Variants in SERPINB11 observed in about 807,000 individuals in gnomAD.
SERPINB11 encodes serpin family B member 11, also known as serpin B11.
In SERPINB11, 32 loss-of-function variants were observed where a neutral mutation model predicts 36.7. The observed-to-expected ratio is 0.87, with a 90% CI of 0.66 to 1.17. The LOEUF is 1.17. Ranked by LOEUF, SERPINB11 falls within the 50% of genes most tolerant of loss-of-function variation. The pLI, the probability that SERPINB11 is intolerant of heterozygous loss-of-function variation, is 0.00. For synonymous variants in SERPINB11, 174 were observed against 168.1 expected, an observed-to-expected ratio of 1.04 and a Z score of -0.27; for missense variants, 528 against 458.4, an observed-to-expected ratio of 1.15 and a Z score of -1.39.
Position 63,720,151 on chromosome 18 carries a change from G to T in SERPINB11, c.614G>T (p.Ser205Ile). ...RETVKSPFQL[S>I]EGKNVTVEMM... is the part of the protein sequence containing the mutation. ...ACAGTTAAAAGTCCTTTTCAGCTAA[G>T]TGAGGTAAGTATTTTATTTTCAGAC... Residue 205 changes from serine to isoleucine, a missense_variant, in exon 6 of 8, where the codon AGT (serine) becomes ATT (isoleucine). Physicochemically the swap from Ser to Ile is moderately radical, Grantham distance 142. Coordinates refer to ENST00000544088, the MANE Select transcript of SERPINB11 (RefSeq NM_001370475.1). The T allele has an allele frequency of 6.2e-7, 1 of 1,603,332 alleles. No individual in the cohort carries two copies. Among genetic ancestry groups the T allele is most frequent in the Non-Finnish European group, 8.5e-7 (1 of 1,172,722 alleles).
At chr18:63,709,184 C>G (rs905192686) in intron 1 of SERPINB11, among the ~76,000 whole-genome samples, 13 of 152,312 alleles carry the variant, frequency 8.5e-5, no homozygotes, top group East Asian at 3.9e-4. Flanking sequence ...TTTTCCATTT[C>G]TATTTTCATA....
chr18:63,721,136 G>A (rs1047593062), intron 7 of SERPINB11, 150 bp downstream of exon 7: 3 of 745,382 alleles, frequency 4.0e-6, no homozygotes, highest in African/African-American at 3.6e-5. Flanking sequence ...TGTGAAAGTA[G>A]CAGGGAGACA....
rs746171220 is a variant in SERPINB11 at position 63,720,883 on chromosome 18, C to A, written c.671C>A (p.Ala224Asp). 6.3e-7 allele frequency: 1 copy of A among 1,583,886 alleles called. No individual in the cohort carries two copies. ...TATCAAATTGGAACATTTAAACTGG[C>A]CTTTGTAAAGGAGCCGCAGATGCAA... is the stretch of plus-strand genomic sequence containing the variant. ...MMYQIGTFKL[A>D]FVKEPQMQVL... The change falls in exon 7 of 8, where the codon GCC (alanine) becomes GAC (aspartate). Residue 224 changes from alanine (A) to aspartate (D), a missense_variant. Physicochemically the swap from Ala to Asp is moderately radical, Grantham distance 126. Transcript: ENST00000544088.
intron 4 of SERPINB11, among the ~76,000 whole-genome samples, chr18:63,714,533 C>A (rs1361060311): frequency 3.3e-5 from 5 of 152,224 alleles, no homozygotes; most frequent in South Asian, 2.1e-4. Flanking sequence ...CAGGCATTCC[C>A]AGAGCAGCCA....
chr18:63,723,270 TG>T lies in SERPINB11; in HGVS notation c.1054del (p.Asp352ThrfsTer5). ...AGGGCACGGAGGCAGCAGCAGCCAC[TG>T]GGGACAGCATCGCTGTAAAAAGCCT... ...EEGTEAAAAT[G>X]DSIAVKSLPM... On this transcript the variant is annotated frameshift_variant, in exon 8 of 8. Coordinates refer to ENST00000544088, the MANE Select transcript of SERPINB11 (RefSeq NM_001370475.1). LOFTEE classifies it high-confidence loss of function. The T allele has an allele frequency of 6.2e-7, 1 of 1,613,960 alleles. No individual in the cohort carries two copies. The highest frequency in any genetic ancestry group is 8.5e-7 in the Non-Finnish European group (1 of 1,179,872).
intron 4 of SERPINB11, among the ~76,000 whole-genome samples, chr18:63,714,036 T>G (rs1914598444): frequency 6.6e-6 from 1 of 152,158 alleles, no homozygotes. Context: ...TCATAGTATA[T>G]TGGGGGAACC....
Position 63,711,397 on chromosome 18 carries a change from A to G in SERPINB11, c.228+3A>G. The G allele has an allele frequency of 6.3e-7, 1 of 1,587,894 alleles. No homozygotes were observed. The highest frequency in any genetic ancestry group is 1.1e-5 in the South Asian group (1 of 90,414). ...CAGGGTTCAAGGACTCACCTAAGGT[A>G]TGATAATATTACTGAGTTGTCAAAT... On this transcript the variant is annotated splice_donor_region_variant and intron_variant, in intron 3 of 7. Coordinates refer to ENST00000544088, the MANE Select transcript of SERPINB11 (RefSeq NM_001370475.1).
At chr18:63,709,202 T>C (rs182249681) in intron 1 of SERPINB11, among the ~76,000 whole-genome samples, 100 of 152,360 alleles carry the variant, frequency 6.6e-4, no homozygotes, top group Non-Finnish European at 8.8e-4. Context: ...ATAAACATGA[T>C]GGCTGTGGCC....
At position 63,723,058 on chromosome 18, in the gene SERPINB11, A is replaced by G; in HGVS notation, c.838A>G (p.Arg280Gly). The G allele has an allele frequency of 1.2e-6, 2 of 1,604,466 alleles. No homozygotes were observed. Among genetic ancestry groups the G allele is most frequent in the Non-Finnish European group, 8.5e-7 (1 of 1,175,346 alleles). Residue 280 changes from arginine to glycine, a missense_variant, in exon 8 of 8, where the codon AGA (arginine) becomes GGA (glycine). Transcript: ENST00000544088. ...GACAAGCTCTTCTAACATGATGGAA[A>G]GAGAAGTTGAAGTACACCTCCCCCG... ...EWTSSSNMME[R>G]EVEVHLPRFK...
Position 63,723,437 on chromosome 18 carries a change from G to A in SERPINB11, c.*38G>A, listed in dbSNP as rs762575391. 5 of 1,542,546 alleles carry A rather than the reference G, an allele frequency of 3.2e-6. No homozygotes were observed. In the East Asian group the frequency reaches 1.1e-4, roughly 35 times the overall value. On this transcript the variant is annotated 3_prime_UTR_variant, in exon 8 of 8. Transcript: ENST00000544088. ...GAGCAAGGCTCAGAGTTGCAGATGA[G>A]GTGCAGAGACAATCCTGTGACTTTC...
At chr18:63,717,253 C>G (rs1914692778) in intron 5 of SERPINB11, among the ~76,000 whole-genome samples, 1 of 151,902 alleles carries the variant, frequency 6.6e-6, no homozygotes, top group Admixed American at 6.6e-5. Flanking sequence ...CAGAATATTC[C>G]AAATATACTT....
chr18:63,721,113 A>C lies in SERPINB11; in HGVS notation c.774+127A>C, dbSNP rs544532554. On this transcript the variant is annotated intron_variant, in intron 7 of 7. Transcript: ENST00000544088. ...GATTCACAATCTAAGCCTTAGTAGG[A>C]TTGTCCCGGGGGTGTGAAAGTAGCA... 5.4e-4 allele frequency: 507 copies of C among 940,396 alleles called. 1 individual carries two copies. Among genetic ancestry groups the C allele is most frequent in the Admixed American group, 7.7e-4 (30 of 38,988 alleles). The allele number at this position is 940,396 out of a possible 1,614,324, so 58.3% of individuals were successfully genotyped here. A position where few individuals can be genotyped will look rare whatever the true frequency, so the allele number is the denominator to read the frequency against.
At chr18:63,718,082 T>TA (rs1914714468) in intron 5 of SERPINB11, among the ~76,000 whole-genome samples, 1 of 152,044 alleles carries the variant, frequency 6.6e-6, no homozygotes, top group African/African-American at 2.4e-5. Context: ...CACTGCAATG[T>TA]AAATTTTATC....
chr18:63,707,115 C>T (rs539627121), intron 1 of SERPINB11, among the ~76,000 whole-genome samples: 50 of 152,136 alleles, frequency 3.3e-4, no homozygotes, highest in Non-Finnish European at 5.7e-4. Flanking sequence ...TAGACTAATC[C>T]AGGCTTGCTC....
At chr18:63,722,132 G>A (rs954082345) in intron 7 of SERPINB11, among the ~76,000 whole-genome samples, 1 of 152,202 alleles carries the variant, frequency 6.6e-6, no homozygotes, top group Non-Finnish European at 1.5e-5. Flanking sequence ...AAGCAAGGCA[G>A]CATGAGCTGT....
intron 7 of SERPINB11, among the ~76,000 whole-genome samples, chr18:63,722,270 G>C (rs2144552582): frequency 6.6e-6 from 1 of 152,338 alleles, no homozygotes; most frequent in East Asian, 1.9e-4. Flanking sequence ...TGTCAAAACT[G>C]TTTTAAATTC....
intron 1 of SERPINB11, among the ~76,000 whole-genome samples, chr18:63,703,893 G>C (rs1362927578): frequency 2.0e-5 from 3 of 152,130 alleles, no homozygotes; most frequent in African/African-American, 7.2e-5. Context: ...AACCTCAAAG[G>C]GCTACAGTGA....
chr18:63,705,537 C>G (rs1366529406), intron 1 of SERPINB11: 1 of 152,220 alleles, frequency 6.6e-6, no homozygotes, highest in Non-Finnish European at 1.5e-5. Context: ...GAATGGCCTT[C>G]TAATCCAGTC....
chr18:63,711,449 A>G, intron 3 of SERPINB11, 55 bp downstream of exon 3: 1 of 1,334,946 alleles, frequency 7.5e-7, no homozygotes, highest in South Asian at 1.2e-5. Context: ...GAAGGATGAA[A>G]TAATAGTCTG....
Sources: allele counts gnomAD v4.1 joint callset (sites outside exome capture counted in the v4.1 genomes callset), GRCh38; gene constraint gnomAD v4.1.1; transcripts MANE v1.5; gene names NCBI Gene and HGNC (gene_info 2026-07-23, HGNC 2026-07-21).